Variants in PTPRN2 observed in about 807,000 individuals in gnomAD.
PTPRN2 encodes the protein receptor-type tyrosine-protein phosphatase N2.
A neutral mutation model predicts 118.8 loss-of-function variants in PTPRN2; 74 were observed. The observed-to-expected ratio is 0.62, with a 90% confidence interval of 0.52 to 0.76. The LOEUF (loss-of-function observed/expected upper bound fraction) is 0.76, where lower values mean the gene tolerates loss of function less well. Ranked by LOEUF, PTPRN2 falls within the 30% of genes least tolerant of loss-of-function variation. PTPRN2 has a pLI of 0.00. For synonymous variants in PTPRN2, 641 were observed against 608.0 expected (o/e 1.05, Z -0.80); for missense variants, 1,481 against 1,394.4 (o/e 1.06, Z -0.99).
chr7:158,376,433 G>C (rs1225325562), intron 2 of PTPRN2, among the ~76,000 whole-genome samples: 2 of 143,578 alleles, frequency 1.4e-5, no homozygotes, highest in Non-Finnish European at 3.0e-5. Context: ...CGTCCTGAGG[G>C]AGGGGTTCAG....
chr7:158,085,321 TTC>T, intron 10 of PTPRN2, among the ~76,000 whole-genome samples: 1 of 90,496 alleles, frequency 1.1e-5, no homozygotes, highest in African/African-American at 5.1e-5. Context: ...ACGACGCCCA[TTC>T]ACACATGCCC....
intron 3 of PTPRN2, among the ~76,000 whole-genome samples, chr7:158,300,875 C>G (rs1215137782): frequency 6.6e-6 from 1 of 152,010 alleles, no homozygotes; most frequent in Non-Finnish European, 1.5e-5. Flanking sequence ...GAAATAAACA[C>G]AGCCGAGTGA....
rs1213764581 is a variant in PTPRN2, at chr7:157,944,584, C to T, written c.1724-45847G>A. 6.6e-6 allele frequency among the ~76,000 whole-genome samples: 1 copy of T among 152,234 alleles called. No individual in the cohort carries two copies. Among genetic ancestry groups the T allele is most frequent in the African/African-American group, 2.4e-5 (1 of 41,466 alleles). On this transcript the variant is annotated intron_variant, in intron 11 of 22. Transcript: ENST00000389418. This position sits in a 1 kb window ranked among gnomAD's most constrained non-coding sequence, Gnocchi z 4.3. ...GAAAGCATAACATTTAAATCAGAAG[C>T]ATCCCTAGACATGTTGATTAGAAAT...
chr7:157,796,464 G>A (rs763278873), intron 12 of PTPRN2, among the ~76,000 whole-genome samples: 4 of 152,204 alleles, frequency 2.6e-5, no homozygotes, highest in Non-Finnish European at 2.9e-5. Flanking sequence ...TTTACTGAAC[G>A]CCTGCCCATG....
At chr7:157,736,267 G>T (rs1800290863) in intron 12 of PTPRN2, among the ~76,000 whole-genome samples, 1 of 152,166 alleles carries the variant, frequency 6.6e-6, no homozygotes, top group African/African-American at 2.4e-5. Context: ...TTTAACTCTG[G>T]CCTTGCAGTT....
intron 6 of PTPRN2, among the ~76,000 whole-genome samples, chr7:158,145,418 G>A (rs909617203): frequency 6.6e-5 from 10 of 152,246 alleles, no homozygotes; most frequent in Non-Finnish European, 1.5e-4. Context: ...GGTACAGTGA[G>A]CGCCACACTC....
At chr7:157,992,188 A>G (rs1189838429) in intron 11 of PTPRN2, among the ~76,000 whole-genome samples, 1 of 152,268 alleles carries the variant, frequency 6.6e-6, no homozygotes, top group Non-Finnish European at 1.5e-5. Context: ...ACTGTAAATG[A>G]AAAGCAGAAT....
chr7:157,681,934 C>T (rs1457111859), intron 13 of PTPRN2, among the ~76,000 whole-genome samples: 1 of 152,208 alleles, frequency 6.6e-6, no homozygotes, highest in Non-Finnish European at 1.5e-5. Context: ...GTCATCCTAC[C>T]TTCCCAGATG....
At chr7:158,330,403 C>T in intron 2 of PTPRN2, among the ~76,000 whole-genome samples, 1 of 63,558 alleles carries the variant, frequency 1.6e-5, no homozygotes, top group Non-Finnish European at 3.5e-5. Flanking sequence ...AGAGCTGACA[C>T]CTGCAGACGT....
intron 11 of PTPRN2, chr7:158,027,286 A>C (rs1377157656): frequency 6.6e-6 from 1 of 152,246 alleles, no homozygotes; most frequent in Non-Finnish European, 1.5e-5. Context: ...TCCACTCAGA[A>C]GTGGTGGAGG....
At chr7:158,065,682 C>T (rs181981628) in intron 11 of PTPRN2, among the ~76,000 whole-genome samples, 3 of 152,308 alleles carry the variant, frequency 2.0e-5, no homozygotes, top group Non-Finnish European at 4.4e-5. Flanking sequence ...GTTCACTAAA[C>T]TGACGCTCAG....
At chr7:157,673,872 G>A (rs1216017440) in intron 13 of PTPRN2, among the ~76,000 whole-genome samples, 1 of 145,008 alleles carries the variant, frequency 6.9e-6, no homozygotes, top group Non-Finnish European at 1.6e-5. Flanking sequence ...GTCTGTTTCC[G>A]GGTTCACACT....
intron 6 of PTPRN2, among the ~76,000 whole-genome samples, chr7:158,165,299 C>T (rs536932913): frequency 3.3e-5 from 5 of 152,288 alleles, no homozygotes; most frequent in Admixed American, 1.3e-4. Flanking sequence ...ACAGAGGAGA[C>T]GTCGTCCCAG....
At chr7:158,350,288 T>A (rs1260618145) in intron 2 of PTPRN2, among the ~76,000 whole-genome samples, 2 of 152,084 alleles carry the variant, frequency 1.3e-5, no homozygotes, top group Non-Finnish European at 2.9e-5. Flanking sequence ...AGGAACAAAC[T>A]CCACTGAAAC....
intron 2 of PTPRN2, among the ~76,000 whole-genome samples, chr7:158,477,655 A>C (rs1820362186): frequency 6.6e-6 from 1 of 152,192 alleles, no homozygotes; most frequent in Non-Finnish European, 1.5e-5. Flanking sequence ...GATTTTAAAG[A>C]ATGTGCTGAA....
chr7:158,288,497 A>G (rs1348057676), intron 3 of PTPRN2, among the ~76,000 whole-genome samples: 1 of 152,194 alleles, frequency 6.6e-6, no homozygotes, highest in African/African-American at 2.4e-5. Context: ...TTACATAAAA[A>G]TATCTTACAG....
At chr7:158,541,662 C>G in intron 1 of PTPRN2, 11 of 1,334,540 alleles carry the variant, frequency 8.2e-6, no homozygotes, top group Non-Finnish European at 8.9e-6. Context: ...TACCAAGGTA[C>G]GAACGTTAGT....
chr7:158,396,138 G>A (rs541307221), intron 2 of PTPRN2, among the ~76,000 whole-genome samples: 1 of 152,312 alleles, frequency 6.6e-6, no homozygotes, highest in East Asian at 1.9e-4. Context: ...ACAGGGCAGC[G>A]GGCAGCCAGT....
chr7:158,133,778 C>G lies in PTPRN2; in HGVS notation c.1455G>C (p.Gln485His). The G allele has an allele frequency of 6.2e-7, 1 of 1,614,008 alleles. No individual in the cohort carries two copies. Among genetic ancestry groups the G allele is most frequent in the Non-Finnish European group, 8.5e-7 (1 of 1,180,032 alleles). Residue 485 changes from glutamine (Q) to histidine (H), a missense_variant, in exon 9 of 23, where the codon CAG becomes CAC. Coordinates refer to ENST00000389418, the MANE Select transcript of PTPRN2 (RefSeq NM_002847.5). ...CCTCCTGAGCACCCGCTGGAAGGCTCTGCTCCTCCTTCGAGGGCCCAGGCA... is the reference window on the plus strand; with the variant it reads ...CCTCCTGAGCACCCGCTGGAAGGCTGTGCTCCTCCTTCGAGGGCCCAGGCA... ...NQMPGPSKEE[Q>H]SLPAGAQEAL...
Sources: gnomAD v4.1 joint callset for allele counts (sites outside exome capture counted in the v4.1 genomes callset) on GRCh38, gnomAD v4.1.1 for gene constraint, Gnocchi (gnomAD v3.1) non-coding constraint, MANE v1.5 for transcripts, NCBI Gene and HGNC (gene_info 2026-07-23, HGNC 2026-07-21) for gene names.